Variants in GBE1 observed in about 807,000 individuals in gnomAD.
The protein encoded by GBE1 is 1,4-alpha-glucan-branching enzyme.
Under a neutral mutation model 88.8 loss-of-function variants are expected in GBE1, and 70 were observed. The ratio of observed to expected loss-of-function variants is 0.79; its 90% CI spans 0.65 to 0.96. GBE1 has a LOEUF of 0.96. Among genes scored for constraint, GBE1 ranks in the 40% least tolerant of loss-of-function variants. The probability of loss-of-function intolerance (pLI) is 0.00; values close to 1 mark genes in which losing one functional copy is unlikely to be tolerated. For missense variants in GBE1, 872 were observed against 871.0 expected, an observed-to-expected ratio of 1.00 and a Z score of -0.01; for synonymous variants, 284 against 300.1, an observed-to-expected ratio of 0.95 and a Z score of 0.56.
chr3:81,574,781 C>A (rs1029269476), intron 12 of GBE1, among the ~76,000 whole-genome samples: 4 of 151,910 alleles, frequency 2.6e-5, no homozygotes, highest in African/African-American at 4.8e-5. Context: ...TAACTTTTGG[C>A]CCCAGGTTTC....
At chr3:81,572,140 T>G (rs1482473052) in intron 12 of GBE1, among the ~76,000 whole-genome samples, 1 of 152,150 alleles carries the variant, frequency 6.6e-6, no homozygotes, top group Non-Finnish European at 1.5e-5. Flanking sequence ...TGCTTGGCAT[T>G]TCTCCTTCCT....
At chr3:81,686,430 T>A (rs1464784106) in intron 2 of GBE1, among the ~76,000 whole-genome samples, 1 of 152,112 alleles carries the variant, frequency 6.6e-6, no homozygotes, top group Non-Finnish European at 1.5e-5. Context: ...AAAAGAAGGA[T>A]GTATTCTGCA....
intron 1 of GBE1, among the ~76,000 whole-genome samples, chr3:81,735,145 T>G (rs1706242008): frequency 6.6e-6 from 1 of 152,104 alleles, no homozygotes; most frequent in African/African-American, 2.4e-5. Context: ...CCCATGGACA[T>G]GGGGTGACAA....
chr3:81,588,599 G>A (rs1703831855), intron 9 of GBE1, among the ~76,000 whole-genome samples: 1 of 151,722 alleles, frequency 6.6e-6, no homozygotes, highest in Non-Finnish European at 1.5e-5. Flanking sequence ...CTTTTGAAAA[G>A]CTTGAAACCT....
intron 1 of GBE1, among the ~76,000 whole-genome samples, chr3:81,722,892 GTGTGTA>G (rs975681393): frequency 1.2e-4 from 12 of 102,132 alleles, no homozygotes; most frequent in Non-Finnish European, 2.2e-4. Flanking sequence ...GTGTGTGTGT[GTGTGTA>G]TATATATATA....
rs528304158 is a variant in GBE1, at chr3:81,595,250, T to C, written c.993-1227A>G. On this transcript the variant is annotated intron_variant, in intron 7 of 15. Transcript: ENST00000429644. ...ATTTGCTTATGATTCTATAATTCCA[T>C]GTTCATACGGTTTAAGGGGGAAATC... Among the ~76,000 whole-genome samples the C allele has an allele frequency of 1.3e-3, 197 of 151,886 alleles. 2 individuals carry two copies. Among genetic ancestry groups the C allele is most frequent in the African/African-American group, 4.6e-3 (192 of 41,538 alleles).
At chr3:81,617,543 C>A (rs1704264873) in intron 7 of GBE1, among the ~76,000 whole-genome samples, 1 of 151,850 alleles carries the variant, frequency 6.6e-6, no homozygotes, top group African/African-American at 2.4e-5. Context: ...AAATACAAAA[C>A]AAGCTTAATA....
At chr3:81,513,784 C>T (rs567984760) in intron 14 of GBE1, among the ~76,000 whole-genome samples, 1 of 151,606 alleles carries the variant, frequency 6.6e-6, no homozygotes, top group Non-Finnish European at 1.5e-5. Context: ...TGCATGTTAA[C>T]TAATCATGAA....
intron 7 of GBE1, chr3:81,612,520 CT>C: frequency 3.1e-6 from 3 of 970,230 alleles, no homozygotes. Context: ...CATCTTCGTC[CT>C]TCTCCCCAAG....
chr3:81,499,196 C>A lies in GBE1; in HGVS notation c.1966G>T (p.Glu656Ter). ...TCCAGTCTCTGATGCCCTCCATATT[C>A]CGCTGCATCTGAATCTAGCACAATT... Reference protein sequence around the residue: ...FKIVLDSDAAEYGGHQRLDHS... With the variant: ...FKIVLDSDAA The change falls in exon 15 of 16, where the codon GAA becomes TAA. Residue 656 changes from glutamate to a stop codon, truncating the protein, a stop_gained. Coordinates refer to ENST00000429644, the MANE Select transcript of GBE1 (RefSeq NM_000158.4). LOFTEE classifies it high-confidence loss of function. 1 of 1,610,990 alleles carries A rather than the reference C, an allele frequency of 6.2e-7. No homozygotes were observed. The highest frequency in any genetic ancestry group is 8.5e-7 in the Non-Finnish European group (1 of 1,178,182).
rs186739471 is a variant in GBE1, at chr3:81,511,664, T to C, written c.1935-12437A>G. ...GTTTTACACCAGACACAATGGCTAT[T>C]ATTAAAAAGTCAAAAAACAACAGAT... On this transcript the variant is annotated intron_variant, in intron 14 of 15. Transcript: ENST00000429644. Among the ~76,000 whole-genome samples the C allele has an allele frequency of 6.6e-5, 10 of 151,908 alleles. 1 individual carries two copies. In the East Asian group the frequency reaches 1.9e-3, roughly 29 times the overall value.
Position 81,705,503 on chromosome 3 carries a change from C to A in GBE1, c.254G>T (p.Gly85Val). 1 of 1,603,472 alleles carries A rather than the reference C, an allele frequency of 6.2e-7. No individual in the cohort carries two copies. Among genetic ancestry groups the A allele is most frequent in the Admixed American group, 1.7e-5 (1 of 58,558 alleles). The stretch of plus-strand genomic sequence containing the variant: ...CGGGGCCCATTCTTTGCAGTATAAA[C>A]CACCATCAGCACATCTGTGGACGCC... ...SFGVHRCADG[G>V]LYCKEWAPGA... is the part of the protein sequence containing the mutation. Residue 85 changes from glycine (G) to valine (V), a missense_variant, in exon 2 of 16, where the codon GGT becomes GTT. By Grantham distance (109) the Gly-to-Val change is moderately radical. Transcript: ENST00000429644.
At chr3:81,507,853 A>G (rs1352563686) in intron 14 of GBE1, among the ~76,000 whole-genome samples, 1 of 152,192 alleles carries the variant, frequency 6.6e-6, no homozygotes, top group Non-Finnish European at 1.5e-5. Context: ...GCAAAACAGA[A>G]GCATATTTCT....
chr3:81,747,610 G>A (rs1034278535), intron 1 of GBE1, among the ~76,000 whole-genome samples: 8 of 152,266 alleles, frequency 5.3e-5, no homozygotes, highest in East Asian at 1.9e-4. Flanking sequence ...GCACGTATAC[G>A]CCCAGATGGC....
In GBE1 at chr3:81,498,986, A is replaced by C. The variant is rs962341414; in HGVS notation, c.2052+124T>G. The C allele has an allele frequency of 6.1e-6, 4 of 656,282 alleles. No homozygotes were observed. The African/African-American group carries it at 7.3e-5, about 12-fold the overall frequency. The allele number at this position is 656,282 out of a possible 1,614,324, so 40.7% of individuals were successfully genotyped here. A position where few individuals can be genotyped will look rare whatever the true frequency, so the allele number is the denominator to read the frequency against. On this transcript the variant is annotated intron_variant, in intron 15 of 15. Transcript: ENST00000429644. ...GGCCAAGCGTAGTCCCCTCTCCCTA[A>C]CCCCTTTCCTTCATGCTTTTTTTCC...
At chr3:81,696,227 G>A (rs965776169) in intron 2 of GBE1, among the ~76,000 whole-genome samples, 3 of 152,200 alleles carry the variant, frequency 2.0e-5, no homozygotes, top group Non-Finnish European at 4.4e-5. Flanking sequence ...AGACTAATCA[G>A]TGAATTCCAA....
At chr3:81,594,278 T>C (rs1020101389) in intron 7 of GBE1, among the ~76,000 whole-genome samples, 3 of 152,108 alleles carry the variant, frequency 2.0e-5, no homozygotes, top group Non-Finnish European at 4.4e-5. Flanking sequence ...GGGAAAACAT[T>C]TTTTAACATG....
intron 2 of GBE1, among the ~76,000 whole-genome samples, chr3:81,691,214 T>C (rs982183717): frequency 6.6e-6 from 1 of 152,188 alleles, no homozygotes; most frequent in Non-Finnish European, 1.5e-5. Flanking sequence ...AACAACTCTA[T>C]AATGTTGCAA....
At chr3:81,643,078 A>G in intron 6 of GBE1, 88 bp from the exon 7 acceptor site, 2 of 837,252 alleles carry the variant, frequency 2.4e-6, no homozygotes, top group Non-Finnish European at 3.9e-6. Flanking sequence ...CCATCGCAGT[A>G]CTAGATACTT....
Sources: allele counts gnomAD v4.1 joint callset (sites outside exome capture counted in the v4.1 genomes callset), GRCh38; gene constraint gnomAD v4.1.1; transcripts MANE v1.5; gene names NCBI Gene and HGNC (gene_info 2026-07-23, HGNC 2026-07-21).